TMPRSS7: variants seen among roughly 807,000 people sequenced by gnomAD.
TMPRSS7 encodes the protein transmembrane protease serine 7.
Under a neutral mutation model 95.6 loss-of-function variants are expected in TMPRSS7, and 81 were observed. The ratio of observed to expected loss-of-function variants is 0.85; its 90% CI spans 0.71 to 1.02. TMPRSS7 has a LOEUF of 1.02. TMPRSS7 is among the 50% of genes least tolerant of loss of function. The pLI, the probability that TMPRSS7 is intolerant of heterozygous loss-of-function variation, is 0.00. For synonymous variants in TMPRSS7, 364 were observed against 337.8 expected (o/e 1.08, Z -0.85); for missense variants, 945 against 955.2 (o/e 0.99, Z 0.14).
chr3:112,066,357 G>C (rs368838314), intron 12 of TMPRSS7, 35 bp from the exon 13 acceptor site: 1 of 1,594,020 alleles, frequency 6.3e-7, no homozygotes, highest in Non-Finnish European at 8.6e-7. Context: ...GGTGTCTCAG[G>C]CTCGTGAACT....
chr3:112,041,417 G>A (rs1485623573), intron 2 of TMPRSS7, among the ~76,000 whole-genome samples: 1 of 152,144 alleles, frequency 6.6e-6, no homozygotes, highest in African/African-American at 2.4e-5. Context: ...CTTGTGCTAA[G>A]AGGAAATATT....
Position 112,066,397 on chromosome 3 carries a change from C to G in TMPRSS7, c.1561C>G (p.Pro521Ala). The change falls in exon 13 of 18, where the codon CCT becomes GCT. Residue 521 changes from proline (P) to alanine (A), a missense_variant. Transcript: ENST00000452346. ...GTTTTTATTTTTTATTCTAGTGAGC[C>G]CTCAACCTGCCTGCAATACCAGCTC... is the stretch of plus-strand genomic sequence containing the variant. 1.2e-6 allele frequency: 2 copies of G among 1,613,772 alleles called. No homozygotes were observed. Among genetic ancestry groups the G allele is most frequent in the Non-Finnish European group, 1.7e-6 (2 of 1,179,844 alleles).
intron 12 of TMPRSS7, 107 bp downstream of exon 12, chr3:112,063,739 T>A: frequency 1.1e-6 from 1 of 932,242 alleles, no homozygotes; most frequent in Non-Finnish European, 1.7e-6. Flanking sequence ...TATCTATTAC[T>A]GCATAACCAA....
chr3:112,060,883 G>T (rs978091778), intron 10 of TMPRSS7, among the ~76,000 whole-genome samples: 1 of 152,136 alleles, frequency 6.6e-6, no homozygotes, highest in Non-Finnish European at 1.5e-5. Flanking sequence ...TTAGAGATTT[G>T]CAGTAAAGAC....
intron 9 of TMPRSS7, 68 bp from the exon 10 acceptor site, chr3:112,056,957 C>G: frequency 8.8e-7 from 1 of 1,142,462 alleles, no homozygotes; most frequent in Non-Finnish European, 1.3e-6. Flanking sequence ...AAACAACAAG[C>G]CAAGGGAATA....
chr3:112,078,499 T>C (rs578057294), intron 16 of TMPRSS7, among the ~76,000 whole-genome samples: 2 of 152,346 alleles, frequency 1.3e-5, no homozygotes, highest in Admixed American at 1.3e-4. Flanking sequence ...GTTCAAGTAA[T>C]TGAGTCAGAC....
intron 10 of TMPRSS7, among the ~76,000 whole-genome samples, chr3:112,061,114 C>G (rs957765685): frequency 1.6e-4 from 24 of 152,152 alleles, no homozygotes; most frequent in African/African-American, 5.8e-4. Flanking sequence ...GGTGGACTAA[C>G]TTACGGGCCT....
intron 9 of TMPRSS7, among the ~76,000 whole-genome samples, chr3:112,053,651 A>G (rs1247987997): frequency 6.6e-6 from 1 of 152,224 alleles, no homozygotes; most frequent in East Asian, 1.9e-4. Flanking sequence ...TTCAAAACAC[A>G]CCTCTAATAC....
At position 112,034,932 on chromosome 3, in the gene TMPRSS7, C is replaced by T. The variant is rs552569286; in HGVS notation, c.48+39C>T. 1.2e-4 allele frequency: 82 copies of T among 702,492 alleles called. No homozygotes were observed. In the African/African-American group the frequency reaches 1.3e-3, roughly 11 times the overall value. The allele number at this position is 702,492 out of a possible 1,614,324, so 43.5% of individuals were successfully genotyped here. A position where few individuals can be genotyped will look rare whatever the true frequency, so the allele number is the denominator to read the frequency against. The stretch of plus-strand genomic sequence containing the variant: ...GAGAAACTTTCTCTTACTTGAATGC[C>T]ATTTATTGTTGACCCTGTTAGTAAA... On this transcript the variant is annotated intron_variant, in intron 1 of 17. Coordinates refer to ENST00000452346, the Ensembl canonical transcript of TMPRSS7.
At chr3:112,073,089 C>CTTT (rs1156538909) in intron 13 of TMPRSS7, among the ~76,000 whole-genome samples, 7 of 128,454 alleles carry the variant, frequency 5.4e-5, no homozygotes, top group Admixed American at 8.0e-5. Flanking sequence ...TGTTTCCTGA[C>CTTT]TTTTTTTTTT....
At chr3:112,071,341 G>A (rs1004202099) in intron 13 of TMPRSS7, among the ~76,000 whole-genome samples, 3 of 152,174 alleles carry the variant, frequency 2.0e-5, no homozygotes, top group African/African-American at 7.2e-5. Context: ...GCTTCCCTTT[G>A]TGGGTAACCT....
intron 17 of TMPRSS7, 82 bp from the exon 18 acceptor site, chr3:112,080,832 C>T: frequency 1.4e-6 from 2 of 1,401,260 alleles, no homozygotes; most frequent in Non-Finnish European, 1.9e-6. Context: ...GACTCTTGAA[C>T]ACAATTCATT....
At chr3:112,055,393 G>A (rs923376154) in intron 9 of TMPRSS7, among the ~76,000 whole-genome samples, 15 of 151,854 alleles carry the variant, frequency 9.9e-5, no homozygotes, top group African/African-American at 3.6e-4. Context: ...CTCAAAGGTA[G>A]GTGGTGAGGG....
At chr3:112,035,230 G>T (rs2073142536) in intron 1 of TMPRSS7, among the ~76,000 whole-genome samples, 1 of 152,196 alleles carries the variant, frequency 6.6e-6, no homozygotes, top group South Asian at 2.1e-4. Flanking sequence ...ACATGTACTG[G>T]CATTTCTGCG....
At chr3:112,063,731 T>A in intron 12 of TMPRSS7, 99 bp downstream of exon 12, 1 of 1,012,586 alleles carries the variant, frequency 9.9e-7, no homozygotes, top group Non-Finnish European at 1.5e-6. Flanking sequence ...GTAGTTATTA[T>A]CTATTACTGC....
chr3:112,064,742 T>C (rs2073553727), intron 12 of TMPRSS7, among the ~76,000 whole-genome samples: 1 of 152,190 alleles, frequency 6.6e-6, no homozygotes, highest in African/African-American at 2.4e-5. Context: ...GACTAAGGTG[T>C]GGGGTAACTG....
intron 10 of TMPRSS7, among the ~76,000 whole-genome samples, chr3:112,058,404 C>G (rs536024290): frequency 1.3e-5 from 2 of 152,254 alleles, no homozygotes; most frequent in East Asian, 3.9e-4. Context: ...GCTACATTAA[C>G]TAGGGCAAAT....
chr3:112,078,614 A>C (rs1477586357), intron 16 of TMPRSS7, 128 bp from the exon 17 acceptor site: 1 of 1,236,570 alleles, frequency 8.1e-7, no homozygotes, highest in East Asian at 2.4e-5. Context: ...ATAATAGTAG[A>C]ATTTACCTCA....
chr3:112,075,518 A>C, intron 15 of TMPRSS7, 26 bp downstream of exon 15: 5 of 1,388,604 alleles, frequency 3.6e-6, no homozygotes, highest in South Asian at 3.8e-5. Flanking sequence ...CCTTACTTTC[A>C]AGTGGCACTC....
Sources: gnomAD v4.1 joint callset for allele counts (sites outside exome capture counted in the v4.1 genomes callset) on GRCh38, gnomAD v4.1.1 for gene constraint, MANE v1.5 for transcripts, NCBI Gene and HGNC (gene_info 2026-07-23, HGNC 2026-07-21) for gene names.